LEO1: variants seen among roughly 807,000 people sequenced by gnomAD.
LEO1 encodes the protein LEO1 component of Paf1/RNA polymerase II complex.
LEO1 carries 34 observed loss-of-function variants against 80.4 expected under a neutral mutation model. The ratio of observed to expected loss-of-function variants is 0.42; its 90% confidence interval spans 0.32 to 0.56. LEO1 has a LOEUF of 0.56. Among genes scored for constraint, LEO1 ranks in the 20% least tolerant of loss-of-function variants. The pLI is 0.10. For synonymous variants in LEO1, 262 were observed against 274.9 expected (o/e 0.95, Z 0.46); for missense variants, 631 against 814.2 (o/e 0.77, Z 2.74).
chr15:51,940,883 A>C (rs1156402349), intron 11 of LEO1, among the ~76,000 whole-genome samples: 1 of 152,084 alleles, frequency 6.6e-6, no homozygotes, highest in East Asian at 1.9e-4. Context: ...AGATCACTTG[A>C]GGTCAGGAGT....
intron 6 of LEO1, among the ~76,000 whole-genome samples, chr15:51,955,947 TATGTAGATGACAAAA>T (rs1165324204): frequency 6.6e-6 from 1 of 152,208 alleles, no homozygotes; most frequent in Non-Finnish European, 1.5e-5. Flanking sequence ...GGGTGGGGAA[TATGTAGATGACAAAA>T]GATTGTTAAC....
chr15:51,957,837 A>G (rs932550819), intron 6 of LEO1, among the ~76,000 whole-genome samples: 1 of 152,206 alleles, frequency 6.6e-6, no homozygotes, highest in Admixed American at 6.5e-5. Context: ...CCTGGCCAAC[A>G]TCGTGAAACC....
chr15:51,964,304 A>T (rs1404075670), intron 2 of LEO1, among the ~76,000 whole-genome samples: 1 of 152,182 alleles, frequency 6.6e-6, no homozygotes, highest in Non-Finnish European at 1.5e-5. Context: ...ACAAGGACAG[A>T]AAACCAAACA....
At chr15:51,944,074 T>C (rs1415023732) in intron 11 of LEO1, among the ~76,000 whole-genome samples, 1 of 152,154 alleles carries the variant, frequency 6.6e-6, no homozygotes, top group Admixed American at 6.6e-5. Flanking sequence ...ACTTCCCAGA[T>C]TTGTTGAAAA....
In LEO1 at chr15:51,950,692, C is replaced by T. The variant is rs74758660; in HGVS notation, c.1612-698G>A. Among the ~76,000 whole-genome samples, 779 of 152,282 alleles carry T rather than the reference C, an allele frequency of 5.1e-3. 5 individuals are homozygous for T. The highest frequency in any genetic ancestry group is 8.4e-3 in the Non-Finnish European group (573 of 68,022). ...ATCATATACAACTCCAATTATATTG[C>T]TAGAAATTCTATGGAACAGATTGTT... On this transcript the variant is annotated intron_variant, in intron 9 of 11. Transcript: ENST00000299601.
chr15:51,964,969 T>C (rs1488065374), intron 2 of LEO1, among the ~76,000 whole-genome samples: 2 of 152,138 alleles, frequency 1.3e-5, no homozygotes, highest in African/African-American at 4.8e-5. Flanking sequence ...CTGTAGTCTT[T>C]AGGGAATGAG....
At chr15:51,953,357 C>T (rs2056963969) in intron 7 of LEO1, 94 bp from the exon 8 acceptor site, 2 of 1,337,986 alleles carry the variant, frequency 1.5e-6, no homozygotes, top group Non-Finnish European at 1.0e-6. Context: ...GCACAGTGGC[C>T]CACATGTGTA....
chr15:51,938,198 C>T lies in LEO1; in HGVS notation c.1959G>A (p.Lys653=). The change falls in exon 12 of 12, where the codon AAG becomes AAA. Residue 653 remains lysine, a synonymous_variant. Transcript: ENST00000299601. ...CCTCTTCATCGCTGATCACATACTT[C>T]TTATGCTTTTTATTTGCTTTATCAT... ...EDDDKANKKH[K]KYVISDEEEE... is the part of the protein sequence containing the mutation. 6.2e-7 allele frequency: 1 copy of T among 1,610,760 alleles called. No individual in the cohort carries two copies. The highest frequency in any genetic ancestry group is 8.5e-7 in the Non-Finnish European group (1 of 1,177,908).
intron 1 of LEO1, among the ~76,000 whole-genome samples, chr15:51,970,883 GA>G (rs1314393802): frequency 6.6e-6 from 1 of 152,168 alleles, no homozygotes; most frequent in Non-Finnish European, 1.5e-5. Flanking sequence ...CTTGGAGGCT[GA>G]GGCAGAAGGA....
chr15:51,959,862 C>T (rs768520282), intron 5 of LEO1, 37 bp downstream of exon 5: 3 of 1,523,868 alleles, frequency 2.0e-6, no homozygotes, highest in Non-Finnish European at 2.6e-6. Flanking sequence ...TGTATTTCTA[C>T]TCAACATCCT....
intron 2 of LEO1, among the ~76,000 whole-genome samples, chr15:51,963,883 C>CA (rs985113118): frequency 8.5e-6 from 1 of 118,224 alleles, no homozygotes; most frequent in Non-Finnish European, 1.6e-5. Context: ...GCCTGGATGA[C>CA]AGAGACTCTG....
intron 1 of LEO1, among the ~76,000 whole-genome samples, chr15:51,968,783 T>C (rs2057098768): frequency 6.6e-6 from 1 of 151,488 alleles, no homozygotes; most frequent in Admixed American, 6.6e-5. Context: ...AAGCCGAGAT[T>C]GCGCCACTGC....
intron 8 of LEO1, 70 bp from the exon 9 acceptor site, chr15:51,952,049 C>T (rs762705126): frequency 1.1e-4 from 159 of 1,421,298 alleles, no homozygotes; most frequent in Non-Finnish European, 1.5e-4. Flanking sequence ...ATACCCACGT[C>T]ACAGAAGTAA....
chr15:51,941,160 T>TC (rs1331372624), intron 11 of LEO1, among the ~76,000 whole-genome samples: 1 of 152,108 alleles, frequency 6.6e-6, no homozygotes, highest in East Asian at 1.9e-4. Flanking sequence ...TTCCTCAGAC[T>TC]CCCAGGACTT....
chr15:51,951,343 C>T (rs560714195), intron 9 of LEO1, among the ~76,000 whole-genome samples: 1 of 152,234 alleles, frequency 6.6e-6, no homozygotes, highest in Non-Finnish European at 1.5e-5. Context: ...CCCAAATAAA[C>T]TTGTGCCTAA....
chr15:51,948,627 GTATTA>G (rs2056921486), intron 10 of LEO1, among the ~76,000 whole-genome samples: 2 of 152,192 alleles, frequency 1.3e-5, no homozygotes, highest in Non-Finnish European at 2.9e-5. Context: ...TACTTTAAAT[GTATTA>G]TATTATGTAA....
chr15:51,947,111 A>AAGCAC lies in LEO1; in HGVS notation c.1896+176_1896+180dup, dbSNP rs1197444943. 11 of 607,712 alleles carry AAGCAC rather than the reference A, an allele frequency of 1.8e-5. 1 individual carries two copies. Among genetic ancestry groups the AAGCAC allele is most frequent in the African/African-American group, 1.3e-4 (7 of 53,524 alleles). 37.6% of individuals were successfully genotyped at this position (607,712 alleles called of 1,614,324 possible). A position where few individuals can be genotyped will look rare whatever the true frequency, so the allele number is the denominator to read the frequency against. On this transcript the variant is annotated intron_variant, in intron 11 of 11. Transcript: ENST00000299601. The stretch of plus-strand genomic sequence containing the variant: ...CCATGCAGCCTTCTAAGACCTCTCT[A>AAGCAC]AGCACAGGTATCAGATCCTCCTCTG...
chr15:51,970,657 TAGC>T (rs1274206967), intron 1 of LEO1, among the ~76,000 whole-genome samples: 1 of 152,092 alleles, frequency 6.6e-6, no homozygotes, highest in Non-Finnish European at 1.5e-5. Context: ...ACAGAAACAA[TAGC>T]AGACAGGGGT....
intron 6 of LEO1, chr15:51,955,031 G>C (rs1465656921): frequency 1.3e-5 from 2 of 152,374 alleles, no homozygotes; most frequent in African/African-American, 4.9e-5. Flanking sequence ...CCGCCTCCCG[G>C]GTTCACGCCA....
Sources: allele counts gnomAD v4.1 joint callset (sites outside exome capture counted in the v4.1 genomes callset), GRCh38; gene constraint gnomAD v4.1.1; transcripts MANE v1.5; gene names NCBI Gene and HGNC (gene_info 2026-07-23, HGNC 2026-07-21).